Variants in PKP2 observed in about 807,000 individuals in gnomAD.
PKP2 encodes plakophilin-2.
PKP2 carries 73 observed loss-of-function variants against 83.4 expected under a neutral mutation model. The ratio of observed to expected loss-of-function variants is 0.88; its 90% confidence interval spans 0.72 to 1.06. The LOEUF is 1.06. PKP2 is among the 50% of genes least tolerant of loss of function. The pLI is 0.00. For missense variants in PKP2, 966 were observed against 1,065.4 expected (o/e 0.91, Z 1.30); for synonymous variants, 409 against 430.4 (o/e 0.95, Z 0.62).
intron 6 of PKP2, 107 bp from the exon 7 acceptor site, chr12:32,824,269 A>C: frequency 1.2e-6 from 1 of 804,626 alleles, no homozygotes; most frequent in East Asian, 2.5e-5. Context: ...GGAAACTGGC[A>C]AATTTGTAAA....
Position 32,878,269 on chromosome 12 carries a change from C to A in PKP2, c.611G>T (p.Arg204Leu). The A allele has an allele frequency of 6.2e-7, 1 of 1,614,026 alleles. No homozygotes were observed. Residue 204 changes from arginine to leucine, a missense_variant, in exon 3 of 13, where the codon CGT becomes CTT. Coordinates refer to ENST00000340811, the MANE Select transcript of PKP2 (RefSeq NM_001005242.3). The part of the protein sequence containing the change: ...YARSEIVGVS[R>L]AGTTSRQRHF... Reference sequence around the variant, plus strand: ...GCGCTGCCTGCTTGTGGTGCCAGCACGGCTGACCCCCACGATCTCGGAACG... The same window carrying A: ...GCGCTGCCTGCTTGTGGTGCCAGCAAGGCTGACCCCCACGATCTCGGAACG...
In PKP2 at chr12:32,792,651, T is replaced by C; in HGVS notation, c.2438A>G (p.Tyr813Cys). ...CCTTGTTCATGTTCTTACCTTCTTG[T>C]AGGCATGATGCAGTTCCGTGTGTGC... is the stretch of plus-strand genomic sequence containing the variant. ...LWAHTELHHA[Y>C]KKAQFKKTDF... Residue 813 changes from tyrosine (Y) to cysteine (C), a missense_variant, in exon 12 of 13, where the codon TAC becomes TGC. Transcript: ENST00000340811. 6.2e-7 allele frequency: 1 copy of C among 1,613,566 alleles called. No homozygotes were observed. Among genetic ancestry groups the C allele is most frequent in the Non-Finnish European group, 8.5e-7 (1 of 1,179,452 alleles).
At chr12:32,821,141 C>G (rs971934970) in intron 9 of PKP2, 8 of 557,018 alleles carry the variant, frequency 1.4e-5, no homozygotes, top group Non-Finnish European at 2.6e-5. Flanking sequence ...ATTCTGAGAT[C>G]TGTAACTGAA....
At chr12:32,853,394 GAAAA>G (rs79409951) in intron 4 of PKP2, among the ~76,000 whole-genome samples, 2 of 87,900 alleles carry the variant, frequency 2.3e-5, no homozygotes, top group Non-Finnish European at 2.6e-5. Flanking sequence ...TTCCTTAAAC[GAAAA>G]AAAAAAAAAA....
chr12:32,793,613 CTTTTTTTTTTTT>C lies in PKP2; in HGVS notation c.2358-894_2358-883del, dbSNP rs35990527. 1.2e-4 allele frequency among the ~76,000 whole-genome samples: 9 copies of C among 76,718 alleles called. No homozygotes were observed. In the South Asian group the frequency reaches 3.8e-3, roughly 33 times the overall value. 50.3% of individuals were successfully genotyped at this position (76,718 alleles called of 152,430 possible). On this transcript the variant is annotated intron_variant, in intron 11 of 12. Transcript: ENST00000340811. The stretch of plus-strand genomic sequence containing the variant: ...ACTGTACTTAGTCTTTCATATTCTG[CTTTTTTTTTTTT>C]TTTTTTTTTTTTGAGGCTGGAGTGC...
At chr12:32,865,107 G>A (rs991167300) in intron 4 of PKP2, among the ~76,000 whole-genome samples, 1 of 152,200 alleles carries the variant, frequency 6.6e-6, no homozygotes, top group Non-Finnish European at 1.5e-5. Flanking sequence ...GGGTGTGGTG[G>A]CTCACACCTG....
chr12:32,810,871 C>T (rs865999039), intron 9 of PKP2, among the ~76,000 whole-genome samples: 620 of 24,098 alleles, frequency 0.026, 239 homozygotes, highest in African/African-American at 0.045. Context: ...TTAGTAGAGA[C>T]GGGGTTTCAC....
intron 9 of PKP2, among the ~76,000 whole-genome samples, chr12:32,807,730 C>T (rs11052256): frequency 0.68 from 102,868 of 151,972 alleles, 36,047 homozygotes; most frequent in Non-Finnish European, 0.79. Flanking sequence ...CTGGTATTGA[C>T]GAATTCCCTC....
intron 1 of PKP2, chr12:32,894,816 CT>C (rs1173539393): frequency 1.3e-5 from 2 of 152,172 alleles, no homozygotes; most frequent in Non-Finnish European, 2.9e-5. Context: ...AATGGCTCCA[CT>C]TTTCAAAGAC....
intron 10 of PKP2, 81 bp downstream of exon 10, chr12:32,802,322 C>T (rs185911021): frequency 8.9e-5 from 124 of 1,390,916 alleles, no homozygotes; most frequent in Middle Eastern, 4.8e-4. Context: ...TCTTTGTGAA[C>T]GGGAGGTGAT....
chr12:32,797,560 C>CTTT lies in PKP2; in HGVS notation c.2168-1265_2168-1263dup, dbSNP rs751510872. Reference sequence around the variant, plus strand: ...AACAATATTAATAGTGAACTAAAATCTTTTTTTTTTTTTGAAACAGAGTCT... The same window carrying CTTT: ...AACAATATTAATAGTGAACTAAAATCTTTTTTTTTTTTTTTTGAAACAGAGTCT... On this transcript the variant is annotated intron_variant, in intron 10 of 12. Coordinates refer to ENST00000340811, the MANE Select transcript of PKP2 (RefSeq NM_001005242.3). Among the ~76,000 whole-genome samples the CTTT allele has an allele frequency of 5.3e-5, 7 of 132,764 alleles. 1 individual carries two copies. The highest frequency in any genetic ancestry group is 1.7e-4 in the African/African-American group (6 of 35,842). 87.1% of individuals were successfully genotyped at this position (132,764 alleles called of 152,430 possible).
At chr12:32,797,977 T>C (rs766463629) in intron 10 of PKP2, among the ~76,000 whole-genome samples, 1 of 152,050 alleles carries the variant, frequency 6.6e-6, no homozygotes, top group Non-Finnish European at 1.5e-5. Flanking sequence ...GAAAATATAA[T>C]GAGACCCCGT....
At chr12:32,813,798 A>G (rs997349311) in intron 9 of PKP2, among the ~76,000 whole-genome samples, 13 of 151,912 alleles carry the variant, frequency 8.6e-5, no homozygotes, top group Non-Finnish European at 1.9e-4. Flanking sequence ...AAAAAAAAAT[A>G]AGGAGGAAGA....
At chr12:32,857,339 C>T (rs80103704) in intron 4 of PKP2, among the ~76,000 whole-genome samples, 26,762 of 151,810 alleles carry the variant, frequency 0.18, 2,520 homozygotes, top group Middle Eastern at 0.24. Flanking sequence ...GAGAGGAGGA[C>T]TGCTTGAGCT....
chr12:32,792,718 T>C lies in PKP2; in HGVS notation c.2371A>G (p.Lys791Glu), dbSNP rs1956081989. Residue 791 changes from lysine to glutamate, a missense_variant, in exon 12 of 13, where the codon AAA (lysine) becomes GAA (glutamate). By Grantham distance (56) the Lys-to-Glu change is moderately conservative (BLOSUM62 1). Coordinates refer to ENST00000340811, the MANE Select transcript of PKP2 (RefSeq NM_001005242.3). ...AGGACGGAAGCAGCTTTACTTGCTT[T>C]GTTGGAGGCATAGCTGAAAAGAAAA... ...ISAGDAYASNKASKAASVLLY... is the reference protein window; with the variant it reads ...ISAGDAYASNEASKAASVLLY... 2 of 1,613,726 alleles carry C rather than the reference T, an allele frequency of 1.2e-6. No homozygotes were observed. The highest frequency in any genetic ancestry group is 1.3e-5 in the African/African-American group (1 of 74,874).
At chr12:32,833,158 G>A (rs932582354) in intron 6 of PKP2, among the ~76,000 whole-genome samples, 2 of 152,188 alleles carry the variant, frequency 1.3e-5, no homozygotes, top group African/African-American at 4.8e-5. Flanking sequence ...CAGGAGAATT[G>A]CTTGAACCTG....
intron 1 of PKP2, among the ~76,000 whole-genome samples, chr12:32,892,518 G>A (rs974208986): frequency 1.3e-5 from 2 of 151,878 alleles, no homozygotes; most frequent in Admixed American, 6.6e-5. Flanking sequence ...GTTTCACCAT[G>A]TTGGCCAGGC....
At chr12:32,834,246 C>G (rs1956525896) in intron 6 of PKP2, among the ~76,000 whole-genome samples, 1 of 152,132 alleles carries the variant, frequency 6.6e-6, no homozygotes, top group African/African-American at 2.4e-5. Context: ...GTCCCATTCC[C>G]TTTTGAAATC....
intron 10 of PKP2, among the ~76,000 whole-genome samples, chr12:32,802,048 T>G (rs755576757): frequency 6.6e-6 from 1 of 152,230 alleles, no homozygotes; most frequent in Non-Finnish European, 1.5e-5. Context: ...GAGAACATTC[T>G]GAAAGACAAC....
Sources: gnomAD v4.1 joint callset for allele counts (sites outside exome capture counted in the v4.1 genomes callset) on GRCh38, gnomAD v4.1.1 for gene constraint, MANE v1.5 for transcripts, NCBI Gene and HGNC (gene_info 2026-07-23, HGNC 2026-07-21) for gene names.